Variants in ATP11A observed in about 807,000 individuals in gnomAD.
ATP11A encodes ATPase phospholipid transporting 11A, also known as phospholipid-transporting ATPase IH.
A neutral mutation model predicts 154.4 loss-of-function variants in ATP11A; 81 were observed. That is an observed-to-expected ratio of 0.52 (90% CI 0.44 to 0.63). ATP11A has a LOEUF of 0.63. Among genes scored for constraint, ATP11A ranks in the 30% least tolerant of loss-of-function variants. The probability of loss-of-function intolerance (pLI) is 0.00; values close to 1 mark genes in which losing one functional copy is unlikely to be tolerated. For missense variants in ATP11A, 1,316 were observed against 1,474.3 expected (o/e 0.89, Z 1.76); for synonymous variants, 623 against 585.9 (o/e 1.06, Z -0.91).
Position 112,872,537 on chromosome 13 carries a change from G to A in ATP11A, c.3057+737G>A, listed in dbSNP as rs923560329. Among the ~76,000 whole-genome samples, 8 of 152,250 alleles carry A rather than the reference G, an allele frequency of 5.3e-5. No homozygotes were observed. The East Asian group carries it at 1.5e-3, about 29-fold the overall frequency. ...GAGGCACGAGAATCGCTTGAACCCG[G>A]GAGGTGGAGGTTGCAGTGAGCCAAG... is the stretch of plus-strand genomic sequence containing the variant. On this transcript the variant is annotated intron_variant, in intron 26 of 29. Coordinates refer to ENST00000375645, the MANE Select transcript of ATP11A (RefSeq NM_015205.3).
chr13:112,704,510 G>A (rs1449278218), intron 1 of ATP11A, among the ~76,000 whole-genome samples: 4 of 152,258 alleles, frequency 2.6e-5, no homozygotes, highest in African/African-American at 7.2e-5. Context: ...TGTGGGAGGC[G>A]AGGCTCTGAC....
At chr13:112,873,122 C>T (rs2080588592) in intron 26 of ATP11A, among the ~76,000 whole-genome samples, 1 of 122,296 alleles carries the variant, frequency 8.2e-6, no homozygotes, top group African/African-American at 3.2e-5. Flanking sequence ...GCTTTGTCTT[C>T]CTGAACGGTG....
At chr13:112,816,319 C>CATG (rs1010374392) in intron 6 of ATP11A, 108 bp downstream of exon 6, 1 of 1,444,322 alleles carries the variant, frequency 6.9e-7, no homozygotes, top group Non-Finnish European at 9.4e-7. Context: ...TCACCGTTTT[C>CATG]ATGTAACCCA....
intron 4 of ATP11A, among the ~76,000 whole-genome samples, chr13:112,808,272 C>T (rs540867805): frequency 1.3e-5 from 2 of 152,142 alleles, no homozygotes; most frequent in Admixed American, 6.5e-5. Flanking sequence ...GGGCAGTGGG[C>T]GGGCGTTTTG....
In ATP11A at chr13:112,882,113, C is replaced by G; in HGVS notation, c.*247C>G. 1 of 1,342,232 alleles carries G rather than the reference C, an allele frequency of 7.5e-7. No individual in the cohort carries two copies. The highest frequency in any genetic ancestry group is 1.5e-5 in the African/African-American group (1 of 67,556). 83.1% of individuals were successfully genotyped at this position (1,342,232 alleles called of 1,614,324 possible). A position where few individuals can be genotyped will look rare whatever the true frequency, so the allele number is the denominator to read the frequency against. ...ACTGTGCACGTGCCTCTTCCTGGCC[C>G]CCAGCAGGCAAGGAGGGGGGTCACA... On this transcript the variant is annotated 3_prime_UTR_variant, in exon 30 of 30. Transcript: ENST00000375645. The surrounding 1 kb of genome is among the most constrained non-coding windows in gnomAD (Gnocchi z 5.1).
intron 29 of ATP11A, chr13:112,880,610 A>T: frequency 7.7e-7 from 1 of 1,298,974 alleles, no homozygotes; most frequent in Non-Finnish European, 1.0e-6. Context: ...CTCCTGAAGG[A>T]CCTCCTACGG....
intron 1 of ATP11A, among the ~76,000 whole-genome samples, chr13:112,772,731 A>G (rs1055492514): frequency 6.6e-6 from 1 of 152,170 alleles, no homozygotes; most frequent in African/African-American, 2.4e-5. Context: ...CTTCTCGTGG[A>G]TGGAGTCAAG....
At chr13:112,749,610 G>A (rs544028659) in intron 1 of ATP11A, among the ~76,000 whole-genome samples, 1 of 152,398 alleles carries the variant, frequency 6.6e-6, no homozygotes, top group African/African-American at 2.4e-5. Context: ...AGCTGGGAAC[G>A]TTGATTCCTA....
Position 112,873,639 on chromosome 13 carries a change from T to C in ATP11A, c.3124T>C (p.Tyr1042His). The change falls in exon 27 of 30, where the codon TAC (tyrosine) becomes CAC (histidine). Residue 1042 changes from tyrosine (Y) to histidine (H), a missense_variant. Physicochemically the swap from Tyr to His is moderately conservative, Grantham distance 83. Transcript: ENST00000375645. ...HFVIWGSLLFYVVFSLLWGGV... is the reference protein window; with the variant it reads ...HFVIWGSLLFHVVFSLLWGGV... The stretch of plus-strand genomic sequence containing the variant: ...TGTCATCTGGGGGTCGCTGCTGTTC[T>C]ACGTTGTCTTTTCGCTTCTCTGGGG... 1 of 1,613,940 alleles carries C rather than the reference T, an allele frequency of 6.2e-7. No individual in the cohort carries two copies. Among genetic ancestry groups the C allele is most frequent in the Non-Finnish European group, 8.5e-7 (1 of 1,179,920 alleles).
At chr13:112,787,877 A>G (rs1312882693) in intron 2 of ATP11A, among the ~76,000 whole-genome samples, 2 of 145,762 alleles carry the variant, frequency 1.4e-5, no homozygotes, top group Non-Finnish European at 3.0e-5. Flanking sequence ...GTGGAGACCT[A>G]CTTAATTCAC....
intron 1 of ATP11A, among the ~76,000 whole-genome samples, chr13:112,698,950 ACTC>A (rs1183752977): frequency 1.3e-5 from 2 of 151,786 alleles, no homozygotes; most frequent in Non-Finnish European, 2.9e-5. Context: ...CTGGTCTCGA[ACTC>A]CTGACCTCAA....
chr13:112,867,287 C>T (rs1010399), intron 25 of ATP11A, among the ~76,000 whole-genome samples: 2,587 of 152,328 alleles, frequency 0.017, 73 homozygotes, highest in African/African-American at 0.059. Context: ...GGTGTCAGCT[C>T]CCGAGAGGCA....
intron 1 of ATP11A, among the ~76,000 whole-genome samples, chr13:112,705,573 G>A (rs1305626508): frequency 6.6e-6 from 1 of 152,190 alleles, no homozygotes. Flanking sequence ...TGTCCGGGAC[G>A]GGGCATGGAG....
At chr13:112,752,397 G>A (rs1052777540) in intron 1 of ATP11A, among the ~76,000 whole-genome samples, 1 of 152,192 alleles carries the variant, frequency 6.6e-6, no homozygotes, top group African/African-American at 2.4e-5. Context: ...AGTCTCCTGG[G>A]TTCCCGGGGG....
At chr13:112,739,560 A>C (rs184857867) in intron 1 of ATP11A, among the ~76,000 whole-genome samples, 1 of 152,368 alleles carries the variant, frequency 6.6e-6, no homozygotes, top group East Asian at 1.9e-4. Context: ...ACACTTGGCA[A>C]TTCCTCGAAA....
chr13:112,708,127 AC>A (rs1887360032), intron 1 of ATP11A, among the ~76,000 whole-genome samples: 1 of 143,670 alleles, frequency 7.0e-6, no homozygotes, highest in Non-Finnish European at 1.5e-5. Flanking sequence ...CCTCTCACCA[AC>A]CAGCTACCAC....
At chr13:112,818,305 G>C (rs559938939) in intron 6 of ATP11A, among the ~76,000 whole-genome samples, 1 of 151,526 alleles carries the variant, frequency 6.6e-6, no homozygotes, top group Admixed American at 6.6e-5. Flanking sequence ...ATGACCGTTG[G>C]TGCGCTTGGT....
chr13:112,781,784 CAAAAAAAAAAA>C lies in ATP11A; in HGVS notation c.40-3342_40-3332del, dbSNP rs748401969. Among the ~76,000 whole-genome samples, 26 of 101,350 alleles carry C rather than the reference CAAAAAAAAAAA, an allele frequency of 2.6e-4. 2 individuals carry two copies. Among genetic ancestry groups the C allele is most frequent in the African/African-American group, 8.3e-4 (24 of 28,856 alleles). 66.5% of individuals were successfully genotyped at this position (101,350 alleles called of 152,430 possible). On this transcript the variant is annotated intron_variant, in intron 1 of 29. Transcript: ENST00000375645. ...TCTTAATAAACTTGCTTTCACTTTG[CAAAAAAAAAAA>C]AAAAAAAAGAATTTGAACATTTGTG...
chr13:112,873,554 C>T lies in ATP11A; in HGVS notation c.3058-19C>T, dbSNP rs2080613851. On this transcript the variant is annotated intron_variant, in intron 26 of 29. Coordinates refer to ENST00000375645, the MANE Select transcript of ATP11A (RefSeq NM_015205.3). ...TGCTCAGATGACACCGTTAACTGCC[C>T]TTTTTTTTTTCCTTTTAGCTTGCAT... The T allele has an allele frequency of 8.0e-6, 11 of 1,370,194 alleles. No homozygotes were observed. Among genetic ancestry groups the T allele is most frequent in the East Asian group, 5.3e-5 (2 of 37,756 alleles). 84.9% of individuals were successfully genotyped at this position (1,370,194 alleles called of 1,614,324 possible). A position where few individuals can be genotyped will look rare whatever the true frequency, so the allele number is the denominator to read the frequency against.
Sources: gnomAD v4.1 joint callset for allele counts (sites outside exome capture counted in the v4.1 genomes callset) on GRCh38, gnomAD v4.1.1 for gene constraint, Gnocchi (gnomAD v3.1) non-coding constraint, MANE v1.5 for transcripts, NCBI Gene and HGNC (gene_info 2026-07-23, HGNC 2026-07-21) for gene names.